The following UQCC1 variants were observed in gnomAD, a reference collection of about 807,000 sequenced individuals.
UQCC1 encodes ubiquinol-cytochrome c reductase complex assembly factor 1, also known as bFGF-repressed Zic-binding protein.
In UQCC1, 38 loss-of-function variants were observed where a neutral mutation model predicts 48.0. That is an observed-to-expected ratio of 0.79 (90% confidence interval 0.61 to 1.04). The LOEUF (loss-of-function observed/expected upper bound fraction) is 1.04, where lower values mean the gene tolerates loss of function less well. UQCC1 is among the 50% of genes least tolerant of loss of function. The probability of loss-of-function intolerance (pLI) is 0.00; values close to 1 mark genes in which losing one functional copy is unlikely to be tolerated. For synonymous variants in UQCC1, 111 were observed against 129.2 expected (o/e 0.86, Z 0.95); for missense variants, 368 against 381.8 (o/e 0.96, Z 0.30).
intron 4 of UQCC1, among the ~76,000 whole-genome samples, chr20:35,380,587 C>T (rs984440597): frequency 1.3e-5 from 2 of 152,164 alleles, no homozygotes; most frequent in Non-Finnish European, 2.9e-5. Flanking sequence ...TTGAATCCAA[C>T]TTGTTAAAAT....
At chr20:35,348,980 TA>T (rs1226585655) in intron 6 of UQCC1, among the ~76,000 whole-genome samples, 4 of 152,176 alleles carry the variant, frequency 2.6e-5, no homozygotes, top group Admixed American at 2.6e-4. Context: ...TGTTTCTCAT[TA>T]AATAGCTTAT....
chr20:35,321,026 G>A (rs2061118261), intron 7 of UQCC1, among the ~76,000 whole-genome samples: 1 of 152,226 alleles, frequency 6.6e-6, no homozygotes, highest in Non-Finnish European at 1.5e-5. Context: ...GCGGCAACAG[G>A]CTGATGTGCA....
chr20:35,393,937 C>G (rs369986737), intron 2 of UQCC1, among the ~76,000 whole-genome samples, 155 bp downstream of exon 2: 83 of 152,288 alleles, frequency 5.5e-4, no homozygotes, highest in African/African-American at 1.7e-3. Flanking sequence ...AGACACCATA[C>G]TTTAGGAATC....
At chr20:35,372,365 A>G (rs192084565) in intron 5 of UQCC1, among the ~76,000 whole-genome samples, 1 of 152,198 alleles carries the variant, frequency 6.6e-6, no homozygotes, top group East Asian at 1.9e-4. Flanking sequence ...GCTTCATCAG[A>G]TAGAGAAAAA....
intron 8 of UQCC1, among the ~76,000 whole-genome samples, chr20:35,313,023 C>G (rs1021542915): frequency 1.3e-5 from 2 of 152,214 alleles, no homozygotes; most frequent in Admixed American, 6.5e-5. Context: ...TGCTACTAAA[C>G]TGTACACTTA....
At chr20:35,349,042 T>C (rs190049299) in intron 6 of UQCC1, among the ~76,000 whole-genome samples, 1 of 152,324 alleles carries the variant, frequency 6.6e-6, no homozygotes, top group Non-Finnish European at 1.5e-5. Context: ...CTGTTATAAT[T>C]ATGGAATAGT....
chr20:35,410,875 A>G (rs2062352119), intron 1 of UQCC1, among the ~76,000 whole-genome samples: 1 of 151,458 alleles, frequency 6.6e-6, no homozygotes, highest in South Asian at 2.1e-4. Context: ...CACCAGGTGA[A>G]TCTTTCTGGC....
At chr20:35,366,518 A>G (rs771405259) in intron 6 of UQCC1, 39 bp downstream of exon 6, 2 of 1,596,474 alleles carry the variant, frequency 1.3e-6, no homozygotes, top group African/African-American at 2.7e-5. Flanking sequence ...AGTGTTTAAA[A>G]AAATACATTT....
intron 6 of UQCC1, among the ~76,000 whole-genome samples, chr20:35,358,989 G>A (rs746743150): frequency 4.0e-5 from 6 of 151,874 alleles, no homozygotes; most frequent in Admixed American, 6.6e-5. Context: ...GGCAAATAAC[G>A]CAGCTAGCAA....
intron 2 of UQCC1, among the ~76,000 whole-genome samples, chr20:35,389,673 G>A (rs1212191881): frequency 1.3e-5 from 2 of 152,266 alleles, no homozygotes; most frequent in South Asian, 4.1e-4. Flanking sequence ...AATAAATGGG[G>A]AAGAAGTGAC....
At chr20:35,367,998 T>G (rs1388799797) in intron 5 of UQCC1, among the ~76,000 whole-genome samples, 1 of 151,870 alleles carries the variant, frequency 6.6e-6, no homozygotes, top group Non-Finnish European at 1.5e-5. Context: ...GGATGAGGGG[T>G]CTCCCACTGA....
intron 7 of UQCC1, among the ~76,000 whole-genome samples, chr20:35,331,385 C>G (rs1484787338): frequency 6.8e-6 from 1 of 147,570 alleles, no homozygotes; most frequent in East Asian, 2.0e-4. Context: ...AGAAGTATTA[C>G]AGCAGACAGT....
At chr20:35,316,035 G>A (rs558976325) in intron 7 of UQCC1, among the ~76,000 whole-genome samples, 1 of 152,112 alleles carries the variant, frequency 6.6e-6, no homozygotes, top group South Asian at 2.1e-4. Context: ...CCTTCAATAG[G>A]GTACAACTCT....
At chr20:35,381,328 G>T (rs1185805406) in intron 4 of UQCC1, among the ~76,000 whole-genome samples, 1 of 152,104 alleles carries the variant, frequency 6.6e-6, no homozygotes, top group East Asian at 1.9e-4. Flanking sequence ...TAAGAATGTT[G>T]CCAATCAGAA....
At chr20:35,352,944 G>A (rs1171520492) in intron 6 of UQCC1, among the ~76,000 whole-genome samples, 2 of 151,954 alleles carry the variant, frequency 1.3e-5, no homozygotes, top group African/African-American at 2.4e-5. Context: ...GCCTCCCAAA[G>A]TGCTAAGATA....
intron 6 of UQCC1, among the ~76,000 whole-genome samples, chr20:35,348,038 A>G (rs980961904): frequency 1.2e-4 from 19 of 152,344 alleles, no homozygotes; most frequent in African/African-American, 4.3e-4. Context: ...TAATTATCCA[A>G]TTGTTTCCCC....
At chr20:35,345,109 T>A (rs564728704) in intron 7 of UQCC1, 1 of 152,364 alleles carries the variant, frequency 6.6e-6, no homozygotes, top group South Asian at 2.1e-4. Flanking sequence ...CATCTCTTCA[T>A]CTGTATCCCT....
chr20:35,359,703 T>C (rs991864293), intron 6 of UQCC1, among the ~76,000 whole-genome samples: 5 of 152,202 alleles, frequency 3.3e-5, no homozygotes, highest in Non-Finnish European at 7.3e-5. Context: ...CTCTGGCTGC[T>C]ATGAAGGAAT....
chr20:35,389,562 C>CA lies in UQCC1; in HGVS notation c.129+4529dup, dbSNP rs777443597. On this transcript the variant is annotated intron_variant, in intron 2 of 9. Transcript: ENST00000374385. ...TGAGTGAGAGAGTGAGACTCCGTCT[C>CA]AAAAAAAAAAGAAAAGAAAAGAAAA... is the stretch of plus-strand genomic sequence containing the variant. 5.0e-4 allele frequency among the ~76,000 whole-genome samples: 68 copies of CA among 136,108 alleles called. No homozygotes were observed. In the East Asian group the frequency reaches 7.1e-3, roughly 14 times the overall value. 89.3% of individuals were successfully genotyped at this position (136,108 alleles called of 152,430 possible). A position where few individuals can be genotyped will look rare whatever the true frequency, so the allele number is the denominator to read the frequency against.
Sources: allele counts gnomAD v4.1 joint callset (sites outside exome capture counted in the v4.1 genomes callset), GRCh38; gene constraint gnomAD v4.1.1; transcripts MANE v1.5; gene names NCBI Gene and HGNC (gene_info 2026-07-23, HGNC 2026-07-21).